Variants in PPIE observed in about 807,000 individuals in gnomAD.
PPIE encodes the protein peptidyl-prolyl cis-trans isomerase E.
PPIE carries 20 observed loss-of-function variants against 38.4 expected under a neutral mutation model. The ratio of observed to expected loss-of-function variants is 0.52; its 90% CI spans 0.37 to 0.76. The LOEUF is 0.76. Among genes scored for constraint, PPIE ranks in the 30% least tolerant of loss-of-function variants. PPIE has a pLI of 0.00. For synonymous variants in PPIE, 142 were observed against 135.7 expected (o/e 1.05, Z -0.32); for missense variants, 322 against 385.8 (o/e 0.83, Z 1.39).
chr1:39,760,499 C>T, downstream of PPIE: 1 of 1,614,186 alleles, frequency 6.2e-7, no homozygotes, highest in Non-Finnish European at 8.5e-7. Flanking sequence ...TAGTAGAGCA[C>T]AGAGGTGGCG....
In PPIE at chr1:39,754,278, A is replaced by G. The variant is rs1482653967; in HGVS notation, c.*923A>G. Reference sequence around the variant, plus strand: ...GTCCCTGTATTAGGGTTTTCTAGAGAAGCAGAACCAATAGGGTGTGTATAT... The same window carrying G: ...GTCCCTGTATTAGGGTTTTCTAGAGGAGCAGAACCAATAGGGTGTGTATAT... On this transcript the variant is annotated 3_prime_UTR_variant, in exon 10 of 10. Coordinates refer to ENST00000324379, the MANE Select transcript of PPIE (RefSeq NM_006112.4). 6.6e-6 allele frequency among the ~76,000 whole-genome samples: 1 copy of G among 152,186 alleles called. No homozygotes were observed. Among genetic ancestry groups the G allele is most frequent in the Non-Finnish European group, 1.5e-5 (1 of 68,040 alleles).
At chr1:39,760,787 G>GTCCCTCC, downstream of PPIE, among the ~76,000 whole-genome samples, 1 of 152,174 alleles carries the variant, frequency 6.6e-6, no homozygotes, top group Non-Finnish European at 1.5e-5. Flanking sequence ...GGGACACATG[G>GTCCCTCC]CAGGGGGTGT....
chr1:39,751,127 A>G (rs1391510744), intron 8 of PPIE, among the ~76,000 whole-genome samples: 4 of 152,244 alleles, frequency 2.6e-5, no homozygotes, highest in South Asian at 2.1e-4. Context: ...GAGTGATGCT[A>G]TTGGTGATAC....
chr1:39,741,722 A>C, intron 3 of PPIE, 173 bp from the exon 4 acceptor site: 3 of 690,596 alleles, frequency 4.3e-6, no homozygotes, highest in Non-Finnish European at 7.3e-6. Context: ...AAATTGTTGC[A>C]CCACCAGCTC....
chr1:39,741,343 GT>G, intron 2 of PPIE, 22 bp from the exon 3 acceptor site: 1 of 1,612,462 alleles, frequency 6.2e-7, no homozygotes, highest in Non-Finnish European at 8.5e-7. Flanking sequence ...GTAATTACTT[GT>G]TTTTGTTTTT....
chr1:39,740,901 T>C (rs1647041203), intron 2 of PPIE, among the ~76,000 whole-genome samples: 1 of 152,244 alleles, frequency 6.6e-6, no homozygotes, highest in Admixed American at 6.5e-5. Flanking sequence ...GTCTCTGAGT[T>C]CTATGATAAA....
intron 1 of PPIE, chr1:39,739,134 C>T (rs1557438987): frequency 2.2e-6 from 1 of 445,126 alleles, no homozygotes; most frequent in Non-Finnish European, 3.6e-6. Context: ...GTGCAGACTT[C>T]TTAGCAGTAC....
chr1:39,753,704 G>A lies in PPIE; in HGVS notation c.*349G>A. On this transcript the variant is annotated 3_prime_UTR_variant, in exon 10 of 10. Coordinates refer to ENST00000324379, the MANE Select transcript of PPIE (RefSeq NM_006112.4). ...TAAAATAAACCCTAGTTCTTATATT[G>A]CTCTTCCTGCTAGTTCTTGGGAGTT... 1 of 1,060,582 alleles carries A rather than the reference G, an allele frequency of 9.4e-7. No homozygotes were observed. The highest frequency in any genetic ancestry group is 1.1e-6 in the Non-Finnish European group (1 of 877,868). The allele number at this position is 1,060,582 out of a possible 1,614,324, so 65.7% of individuals were successfully genotyped here. A position where few individuals can be genotyped will look rare whatever the true frequency, so the allele number is the denominator to read the frequency against.
chr1:39,749,021 T>C lies in PPIE; in HGVS notation c.627T>C (p.Thr209=), dbSNP rs1042244832. Residue 209 remains threonine, a synonymous_variant, in exon 8 of 10, where the codon ACT becomes ACC. Coordinates refer to ENST00000324379, the MANE Select transcript of PPIE (RefSeq NM_006112.4). ...GTGATTTCACAAACCACAATGGCACTGGGGGCAAGTCCATCTATGGGAAGA... is the reference window on the plus strand; with the variant it reads ...GTGATTTCACAAACCACAATGGCACCGGGGGCAAGTCCATCTATGGGAAGA... ...QGGDFTNHNG[T]GGKSIYGKKF... The C allele has an allele frequency of 1.2e-5, 20 of 1,612,276 alleles. No individual in the cohort carries two copies. Among genetic ancestry groups the C allele is most frequent in the Non-Finnish European group, 1.5e-5 (18 of 1,179,600 alleles).
chr1:39,755,442 A>G lies in PPIE; in HGVS notation c.*2087A>G, dbSNP rs1423681778. Reference sequence around the variant, plus strand: ...AGGCTCCATGTAGCTGGGATATACTACATGGTTACCCCTCACCCCTATGGA... The same window carrying G: ...AGGCTCCATGTAGCTGGGATATACTGCATGGTTACCCCTCACCCCTATGGA... On this transcript the variant is annotated 3_prime_UTR_variant, in exon 10 of 10. Coordinates refer to ENST00000324379, the MANE Select transcript of PPIE (RefSeq NM_006112.4). 4.1e-6 allele frequency: 4 copies of G among 985,292 alleles called. No individual in the cohort carries two copies. The highest frequency in any genetic ancestry group is 1.7e-5 in the African/African-American group (1 of 57,222). 61.0% of individuals were successfully genotyped at this position (985,292 alleles called of 1,614,324 possible).
Position 39,748,944 on chromosome 1 carries a change from T to C in PPIE, c.550T>C (p.Phe184Leu), listed in dbSNP as rs1412775757. 1 of 1,614,190 alleles carries C rather than the reference T, an allele frequency of 6.2e-7. No individual in the cohort carries two copies. The highest frequency in any genetic ancestry group is 1.7e-4 in the Middle Eastern group (1 of 6,058). The stretch of plus-strand genomic sequence containing the variant: ...GTGCACTCATGAAAAGGGCTTTGGC[T>C]TTAAGGGAAGCAGCTTCCACCGCAT... ...CLCTHEKGFGFKGSSFHRIIP... is the reference protein window; with the variant it reads ...CLCTHEKGFGLKGSSFHRIIP... The change falls in exon 8 of 10, where the codon TTT (phenylalanine) becomes CTT (leucine). Residue 184 changes from phenylalanine (F) to leucine (L), a missense_variant. Coordinates refer to ENST00000324379, the MANE Select transcript of PPIE (RefSeq NM_006112.4).
intron 9 of PPIE, 94 bp downstream of exon 9, chr1:39,753,146 G>A: frequency 6.3e-7 from 1 of 1,593,474 alleles, no homozygotes; most frequent in Non-Finnish European, 8.6e-7. Context: ...GAGAGAGATG[G>A]CCAGGGGCTG....
downstream of PPIE, chr1:39,760,354 T>G: frequency 6.2e-7 from 1 of 1,600,168 alleles, no homozygotes. Context: ...GTTTGAGGGT[T>G]TCCTGCTTCT....
At chr1:39,763,285 G>T in intron 9 of PPIE, 1 of 1,352,436 alleles carries the variant, frequency 7.4e-7, no homozygotes, top group Non-Finnish European at 1.0e-6. Flanking sequence ...CAGCCCTGCA[G>T]GGCCGTCTCC....
rs769035642 is a variant in PPIE, at chr1:39,756,659, A to G, written c.*3304A>G. 2 of 962,160 alleles carry G rather than the reference A, an allele frequency of 2.1e-6. No homozygotes were observed. The highest frequency in any genetic ancestry group is 2.5e-6 in the Non-Finnish European group (2 of 808,846). The allele number at this position is 962,160 out of a possible 1,614,324, so 59.6% of individuals were successfully genotyped here. ...TAGAAAAAGCACATCACAAAGAAAC[A>G]TATATAGTACAGTGTGATCCCAATT... On this transcript the variant is annotated 3_prime_UTR_variant, in exon 10 of 10. Coordinates refer to ENST00000324379, the MANE Select transcript of PPIE (RefSeq NM_006112.4).
downstream of PPIE, chr1:39,759,587 G>C (rs1377191525): frequency 2.0e-5 from 3 of 152,252 alleles, no homozygotes; most frequent in Non-Finnish European, 4.4e-5. Context: ...TTGTCATCCT[G>C]GGCCACCCAA....
intron 2 of PPIE, 63 bp downstream of exon 2, chr1:39,740,326 T>G: frequency 7.4e-7 from 1 of 1,346,220 alleles, no homozygotes; most frequent in Non-Finnish European, 1.1e-6. Flanking sequence ...AAAATTAAAG[T>G]CACATCACAA....
downstream of PPIE, chr1:39,760,228 C>A (rs562023415): frequency 4.0e-6 from 4 of 993,514 alleles, no homozygotes; most frequent in Non-Finnish European, 4.3e-6. Flanking sequence ...ACAGGACAGT[C>A]ACACAAATGC....
chr1:39,746,587 C>G (rs1252225596), intron 7 of PPIE: 1 of 152,268 alleles, frequency 6.6e-6, no homozygotes, highest in Non-Finnish European at 1.5e-5. Flanking sequence ...GGGGTGGCCC[C>G]CAGCTGCAGA....
Sources: gnomAD v4.1 joint callset for allele counts (sites outside exome capture counted in the v4.1 genomes callset) on GRCh38, gnomAD v4.1.1 for gene constraint, MANE v1.5 for transcripts, NCBI Gene and HGNC (gene_info 2026-07-23, HGNC 2026-07-21) for gene names.